Variants in SRPK2 observed in about 807,000 individuals in gnomAD.
SRPK2 encodes SRSF protein kinase 2, also known as SFRS protein kinase 2.
Under a neutral mutation model 90.8 loss-of-function variants are expected in SRPK2, and 21 were observed. The ratio of observed to expected loss-of-function variants is 0.23; its 90% CI spans 0.16 to 0.33. The LOEUF (loss-of-function observed/expected upper bound fraction) is 0.33. Among genes scored for constraint, SRPK2 ranks in the 10% least tolerant of loss-of-function variants. The pLI is 1.00. For missense variants in SRPK2, 620 were observed against 869.0 expected (o/e 0.71, Z 3.60); for synonymous variants, 288 against 311.1 (o/e 0.93, Z 0.78).
intron 2 of SRPK2, among the ~76,000 whole-genome samples, chr7:105,344,382 G>A (rs1368697076): frequency 1.4e-5 from 2 of 146,724 alleles, no homozygotes; most frequent in African/African-American, 5.0e-5. Context: ...CAAGTAGCTA[G>A]GACCCCAGGT....
intron 2 of SRPK2, chr7:105,268,952 T>C: frequency 6.1e-6 from 9 of 1,463,450 alleles, no homozygotes; most frequent in Non-Finnish European, 8.3e-6. Flanking sequence ...TCTTCTCTAA[T>C]CCCTTTTGTT....
intron 2 of SRPK2, among the ~76,000 whole-genome samples, chr7:105,375,260 A>G (rs1395270516): frequency 2.0e-5 from 3 of 152,212 alleles, no homozygotes; most frequent in Non-Finnish European, 4.4e-5. Flanking sequence ...TAGCAAAACA[A>G]TACTGAGATA....
chr7:105,342,076 T>A (rs1055444915), intron 2 of SRPK2, among the ~76,000 whole-genome samples: 11 of 151,896 alleles, frequency 7.2e-5, no homozygotes, highest in Non-Finnish European at 1.6e-4. Flanking sequence ...CCATCCTAGC[T>A]AACACAGTGA....
chr7:105,149,439 C>T lies in SRPK2; in HGVS notation c.622-2781G>A, dbSNP rs143067937. ...GACCTTCTCCTTATTATCACCCTGCCCTCCTACTACATTCCTTTTTGCTGA... is the reference window on the plus strand; with the variant it reads ...GACCTTCTCCTTATTATCACCCTGCTCTCCTACTACATTCCTTTTTGCTGA... On this transcript the variant is annotated intron_variant, in intron 7 of 15. Transcript: ENST00000393651. 3.2e-3 allele frequency among the ~76,000 whole-genome samples: 483 copies of T among 152,206 alleles called. 15 individuals carry two copies. In the East Asian group the frequency reaches 0.064, roughly 20 times the overall value.
At chr7:105,370,993 A>T (rs1819629550) in intron 2 of SRPK2, among the ~76,000 whole-genome samples, 1 of 152,190 alleles carries the variant, frequency 6.6e-6, no homozygotes. Flanking sequence ...AACATCAGTA[A>T]CAAAACATGG....
At chr7:105,374,585 A>C (rs904704870) in intron 2 of SRPK2, among the ~76,000 whole-genome samples, 1 of 152,236 alleles carries the variant, frequency 6.6e-6, no homozygotes, top group African/African-American at 2.4e-5. Context: ...TTAGTTATGA[A>C]GTTTTTAAAG....
At chr7:105,331,262 T>C (rs996906438) in intron 2 of SRPK2, among the ~76,000 whole-genome samples, 10 of 128,422 alleles carry the variant, frequency 7.8e-5, no homozygotes, top group South Asian at 2.4e-4. Flanking sequence ...TGAGCCAAGA[T>C]TGTGCCATTG....
chr7:105,288,516 C>T (rs1399464703), intron 2 of SRPK2, among the ~76,000 whole-genome samples: 2 of 152,084 alleles, frequency 1.3e-5, no homozygotes, highest in African/African-American at 2.4e-5. Context: ...ATCACTTGAA[C>T]CCGGGAGGCG....
chr7:105,380,584 C>T (rs894720082), intron 2 of SRPK2, among the ~76,000 whole-genome samples: 12 of 144,782 alleles, frequency 8.3e-5, no homozygotes, highest in African/African-American at 2.9e-4. Flanking sequence ...AGTGCAGTGG[C>T]GCCATCTCAG....
At chr7:105,316,795 A>G (rs1036418967) in intron 2 of SRPK2, among the ~76,000 whole-genome samples, 5 of 152,336 alleles carry the variant, frequency 3.3e-5, no homozygotes, top group Non-Finnish European at 5.9e-5. Flanking sequence ...CCTAGGGAAG[A>G]CTAGTTCCCG....
At chr7:105,358,298 AT>A (rs1818031094) in intron 2 of SRPK2, among the ~76,000 whole-genome samples, 1 of 152,056 alleles carries the variant, frequency 6.6e-6, no homozygotes, top group Non-Finnish European at 1.5e-5. Context: ...TATCAATAAC[AT>A]AAACAGTAGA....
Position 105,163,251 on chromosome 7 carries a change from G to A in SRPK2, c.515-2638C>T, listed in dbSNP as rs555054048. Among the ~76,000 whole-genome samples the A allele has an allele frequency of 2.0e-5, 3 of 152,178 alleles. No homozygotes were observed. In the East Asian group the frequency reaches 5.8e-4, roughly 29 times the overall value. On this transcript the variant is annotated intron_variant, in intron 6 of 15. Transcript: ENST00000393651. ...CTAGTTTGAGGCACTCGCAAGATAA[G>A]ACATCAGTTTGAAAAAAGCCTCTAA... is the stretch of plus-strand genomic sequence containing the variant.
At chr7:105,363,419 A>G (rs1269717745) in intron 2 of SRPK2, among the ~76,000 whole-genome samples, 1 of 152,196 alleles carries the variant, frequency 6.6e-6, no homozygotes, top group Non-Finnish European at 1.5e-5. Context: ...CAACAGACAC[A>G]TGAAAAAATG....
intron 2 of SRPK2, among the ~76,000 whole-genome samples, chr7:105,353,722 C>T (rs1422453154): frequency 1.3e-5 from 2 of 152,140 alleles, no homozygotes; most frequent in Non-Finnish European, 2.9e-5. Context: ...AAACACTTTC[C>T]TTCTCCAGAA....
rs115647875 is a variant in SRPK2 at position 105,251,017 on chromosome 7, C to T, written c.72-47232G>A. 2.9e-3 allele frequency among the ~76,000 whole-genome samples: 448 copies of T among 152,226 alleles called. 1 individual carries two copies. The highest frequency in any genetic ancestry group is 1.0e-2 in the African/African-American group (415 of 41,522). On this transcript the variant is annotated intron_variant, in intron 2 of 15. Transcript: ENST00000393651. ...CAGCAACAGAAGCTACTCAGGGGTA[C>T]GTGGCAGTGGAGGAATGAAATGAGG...
chr7:105,215,700 G>GA (rs982931135), intron 2 of SRPK2, among the ~76,000 whole-genome samples: 47 of 152,190 alleles, frequency 3.1e-4, no homozygotes, highest in African/African-American at 1.1e-3. Flanking sequence ...GATGACCCCT[G>GA]ACAGCATTAA....
At chr7:105,298,358 C>G (rs183661114) in intron 2 of SRPK2, among the ~76,000 whole-genome samples, 14 of 152,240 alleles carry the variant, frequency 9.2e-5, no homozygotes, top group Non-Finnish European at 1.8e-4. Context: ...ATGGATGTAT[C>G]AGAGTTTGTT....
At chr7:105,245,537 ACAATATTTGAGGG>A (rs1424669527) in intron 2 of SRPK2, among the ~76,000 whole-genome samples, 1 of 152,206 alleles carries the variant, frequency 6.6e-6, no homozygotes, top group African/African-American at 2.4e-5. Flanking sequence ...AGGCTAGTGA[ACAATATTTGAGGG>A]CAAATGAGGA....
intron 2 of SRPK2, among the ~76,000 whole-genome samples, chr7:105,236,806 A>C (rs182860610): frequency 6.6e-6 from 1 of 152,230 alleles, no homozygotes; most frequent in Non-Finnish European, 1.5e-5. Context: ...TAAGTAATCA[A>C]GAAAAAGTGT....
Sources: allele counts gnomAD v4.1 joint callset (sites outside exome capture counted in the v4.1 genomes callset), GRCh38; gene constraint gnomAD v4.1.1; transcripts MANE v1.5; gene names NCBI Gene and HGNC (gene_info 2026-07-23, HGNC 2026-07-21).